The following SNX8 variants were observed in gnomAD, a reference collection of about 807,000 sequenced individuals.
SNX8 encodes the protein sorting nexin 8, also known as sorting nexin-8.
SNX8 carries 25 observed loss-of-function variants against 51.6 expected under a neutral mutation model. That is an observed-to-expected ratio of 0.48 (90% CI 0.35 to 0.68). The LOEUF (loss-of-function observed/expected upper bound fraction) is 0.68. Ranked by LOEUF, SNX8 falls within the 30% of genes least tolerant of loss-of-function variation. The pLI is 0.00. For synonymous variants in SNX8, 324 were observed against 277.0 expected (o/e 1.17, Z -1.68); for missense variants, 695 against 624.0 (o/e 1.11, Z -1.21).
At chr7:2,258,378 C>T (rs1437845079) in intron 7 of SNX8, among the ~76,000 whole-genome samples, 1 of 152,180 alleles carries the variant, frequency 6.6e-6, no homozygotes, top group East Asian at 1.9e-4. Context: ...CGCCCTCCTG[C>T]TCATCAGCCC....
intron 6 of SNX8, 99 bp downstream of exon 6, chr7:2,264,199 C>T (rs948816276): frequency 2.5e-6 from 3 of 1,196,744 alleles, no homozygotes; most frequent in Non-Finnish European, 3.5e-6. Flanking sequence ...GGTCAGGATG[C>T]TGGTTATTAC....
At chr7:2,287,046 G>C (rs1796046239) in intron 1 of SNX8, among the ~76,000 whole-genome samples, 1 of 151,564 alleles carries the variant, frequency 6.6e-6, no homozygotes, top group African/African-American at 2.4e-5. Flanking sequence ...GGCTGAGGCA[G>C]AGAATTGCTT....
intron 1 of SNX8, among the ~76,000 whole-genome samples, chr7:2,322,587 G>A (rs937770156): frequency 7.2e-5 from 11 of 152,118 alleles, no homozygotes; most frequent in African/African-American, 2.4e-4. Flanking sequence ...CCAGCTACTC[G>A]GGAGGCTGAG....
intron 1 of SNX8, among the ~76,000 whole-genome samples, chr7:2,352,100 G>A (rs920206869): frequency 1.3e-5 from 2 of 151,776 alleles, no homozygotes; most frequent in Non-Finnish European, 2.9e-5. Context: ...TAGAGATGGG[G>A]TTTCACCATG....
intron 1 of SNX8, chr7:2,287,999 CTGG>C (rs1796071394): frequency 6.6e-6 from 1 of 152,420 alleles, no homozygotes; most frequent in Non-Finnish European, 1.5e-5. Context: ...TTTGAACACA[CTGG>C]TGGTGTTGTC....
intron 1 of SNX8, among the ~76,000 whole-genome samples, chr7:2,349,567 C>G (rs151079245): frequency 5.1e-4 from 78 of 151,692 alleles, no homozygotes; most frequent in African/African-American, 1.6e-3. Context: ...GCCTCAGCCT[C>G]CCAAGAAGCT....
At chr7:2,334,693 C>T (rs912951485) in intron 1 of SNX8, among the ~76,000 whole-genome samples, 1 of 151,558 alleles carries the variant, frequency 6.6e-6, no homozygotes, top group East Asian at 2.0e-4. Context: ...GAGAGAGACT[C>T]GGTCTCAAAA....
At chr7:2,317,793 C>T (rs1796780302), upstream of SNX8, among the ~76,000 whole-genome samples, 1 of 152,138 alleles carries the variant, frequency 6.6e-6, no homozygotes. Flanking sequence ...AGCAGGCACA[C>T]CATTGATGCT....
At chr7:2,290,141 G>A (rs561494132) in intron 1 of SNX8, among the ~76,000 whole-genome samples, 93 of 152,152 alleles carry the variant, frequency 6.1e-4, no homozygotes, top group African/African-American at 1.3e-3. Context: ...TGCAGTGCGC[G>A]GAGATTACAC....
At chr7:2,283,027 A>T (rs528738918) in intron 1 of SNX8, among the ~76,000 whole-genome samples, 41 of 152,036 alleles carry the variant, frequency 2.7e-4, no homozygotes, top group African/African-American at 9.6e-4. Flanking sequence ...AGGCTGAGGC[A>T]GGAGAATGGT....
At chr7:2,256,515 TG>T (rs1562418723) in intron 10 of SNX8, among the ~76,000 whole-genome samples, 1 of 152,240 alleles carries the variant, frequency 6.6e-6, no homozygotes, top group East Asian at 1.9e-4. Flanking sequence ...CAGGGCTCTC[TG>T]GAAGAACAGC....
intron 1 of SNX8, among the ~76,000 whole-genome samples, chr7:2,308,641 G>A (rs546814113): frequency 2.1e-5 from 3 of 142,504 alleles, no homozygotes; most frequent in Admixed American, 1.5e-4. Flanking sequence ...ACTCCAGCCT[G>A]GGCAACAGAG....
At chr7:2,314,507 C>G (rs1450429132), upstream of SNX8, 1 of 1,125,018 alleles carries the variant, frequency 8.9e-7, no homozygotes, top group Non-Finnish European at 1.1e-6. Flanking sequence ...GCCCACACCC[C>G]GCCTGGTCAC....
rs895435927 is a variant in SNX8 at position 2,279,562 on chromosome 7, G to A, written c.95-1257C>T. On this transcript the variant is annotated intron_variant, in intron 1 of 10. Transcript: ENST00000222990. ...AGCTCAGGAGTTCAAGACCACCCTG[G>A]GCAAGATGGCAAAACCCCATCGCTA... is the stretch of plus-strand genomic sequence containing the variant. Among the ~76,000 whole-genome samples, 4 of 152,040 alleles carry A rather than the reference G, an allele frequency of 2.6e-5. No individual in the cohort carries two copies. In the East Asian group the frequency reaches 7.7e-4, roughly 29 times the overall value.
intron 1 of SNX8, among the ~76,000 whole-genome samples, chr7:2,303,284 G>A (rs971018249): frequency 1.4e-4 from 20 of 145,170 alleles, no homozygotes; most frequent in African/African-American, 4.7e-4. Context: ...AGGGAGGTGG[G>A]GGGGTCAGCC....
At chr7:2,332,163 C>A (rs1208273323) in intron 1 of SNX8, among the ~76,000 whole-genome samples, 2 of 151,700 alleles carry the variant, frequency 1.3e-5, no homozygotes, top group Admixed American at 1.3e-4. Flanking sequence ...ACCAAGATCA[C>A]ACCACTGTAC....
rs570947335 is a variant in SNX8 at position 2,281,785 on chromosome 7, G to A, written c.95-3480C>T. On this transcript the variant is annotated intron_variant, in intron 1 of 10. Transcript: ENST00000222990. ...CCAGCCTCCATCATTTCCTAGCTTT[G>A]TGGCCTAGCACGCAGCCGCCTCTGA... is the stretch of plus-strand genomic sequence containing the variant. Among the ~76,000 whole-genome samples the A allele has an allele frequency of 4.6e-5, 7 of 152,316 alleles. No individual in the cohort carries two copies. In the South Asian group the frequency reaches 1.5e-3, roughly 32 times the overall value.
intron 2 of SNX8, among the ~76,000 whole-genome samples, chr7:2,276,012 A>C (rs928394778): frequency 3.3e-5 from 5 of 152,054 alleles, no homozygotes; most frequent in African/African-American, 1.2e-4. Flanking sequence ...AAAAAAAAAA[A>C]ACTAAACAAA....
intron 1 of SNX8, among the ~76,000 whole-genome samples, chr7:2,332,746 GGAA>G (rs1778759237): frequency 2.3e-5 from 1 of 42,818 alleles, no homozygotes. Context: ...AGAGAGAAAA[GGAA>G]GGAAGGAAGG....
Sources: gnomAD v4.1 joint callset for allele counts (sites outside exome capture counted in the v4.1 genomes callset) on GRCh38, gnomAD v4.1.1 for gene constraint, MANE v1.5 for transcripts, NCBI Gene and HGNC (gene_info 2026-07-23, HGNC 2026-07-21) for gene names.